DPP10: variants seen among roughly 807,000 people sequenced by gnomAD.
The protein encoded by DPP10 is inactive dipeptidyl peptidase 10.
In DPP10, 33 loss-of-function variants were observed where a neutral mutation model predicts 120.9. That is an observed-to-expected ratio of 0.27 (90% CI 0.21 to 0.37). The LOEUF is 0.37. Ranked by LOEUF, DPP10 falls within the 10% of genes least tolerant of loss-of-function variation. The pLI, the probability that DPP10 is intolerant of heterozygous loss-of-function variation, is 1.00. For synonymous variants in DPP10, 337 were observed against 326.1 expected (o/e 1.03, Z -0.36); for missense variants, 816 against 942.8 (o/e 0.87, Z 1.76).
At chr2:115,290,815 T>C (rs2060622063) in intron 1 of DPP10, among the ~76,000 whole-genome samples, 1 of 152,164 alleles carries the variant, frequency 6.6e-6, no homozygotes, top group Admixed American at 6.5e-5. Context: ...TAGCATTGCT[T>C]ATGAAGGACA....
chr2:115,084,052 T>C (rs1235692539), intron 1 of DPP10, among the ~76,000 whole-genome samples: 2 of 152,156 alleles, frequency 1.3e-5, no homozygotes, highest in Non-Finnish European at 2.9e-5. Context: ...GGCTATACCT[T>C]TGTGATCCTG....
At chr2:115,711,584 T>C (rs6721387) in intron 7 of DPP10, among the ~76,000 whole-genome samples, 145,412 of 152,144 alleles carry the variant, frequency 0.96, 69,836 homozygotes, top group East Asian at 1. Context: ...CCTATATAGG[T>C]GTGGGAATGA....
intron 1 of DPP10, among the ~76,000 whole-genome samples, chr2:115,118,991 A>G (rs1432264177): frequency 6.6e-6 from 1 of 152,164 alleles, no homozygotes. Context: ...CAAGTACACT[A>G]GGAAGAGGGT....
chr2:114,907,717 T>C (rs1001069169), intron 1 of DPP10, among the ~76,000 whole-genome samples: 3 of 152,146 alleles, frequency 2.0e-5, no homozygotes, highest in African/African-American at 4.8e-5. Context: ...GCACATATGT[T>C]CTATTCTGCA....
rs140444911 is a variant in DPP10, at chr2:114,994,810, A to G, written c.61-314429A>G. On this transcript the variant is annotated intron_variant, in intron 1 of 25. Coordinates refer to ENST00000410059, the MANE Select transcript of DPP10 (RefSeq NM_020868.6). ...TCTTCTGAGATTACCTGCTCCAGAAAGACTCTTCCAACTACACAGTGGTTA... is the reference window on the plus strand; with the variant it reads ...TCTTCTGAGATTACCTGCTCCAGAAGGACTCTTCCAACTACACAGTGGTTA... 3.9e-4 allele frequency among the ~76,000 whole-genome samples: 60 copies of G among 152,312 alleles called. 1 individual carries two copies. Among genetic ancestry groups the G allele is most frequent in the African/African-American group, 1.3e-3 (56 of 41,574 alleles).
intron 1 of DPP10, among the ~76,000 whole-genome samples, chr2:115,209,333 T>C (rs1433744789): frequency 6.6e-6 from 1 of 152,184 alleles, no homozygotes; most frequent in Non-Finnish European, 1.5e-5. Flanking sequence ...TTATTTTCTT[T>C]ACTCTTTCAT....
intron 1 of DPP10, among the ~76,000 whole-genome samples, chr2:114,822,795 A>C (rs1265843365): frequency 6.6e-6 from 1 of 152,142 alleles, no homozygotes; most frequent in Non-Finnish European, 1.5e-5. Context: ...TCTCTAGGAC[A>C]CGGGCAAAAT....
chr2:115,187,486 TTCACCAGC>T (rs2054548999), intron 1 of DPP10, among the ~76,000 whole-genome samples: 1 of 152,224 alleles, frequency 6.6e-6, no homozygotes, highest in African/African-American at 2.4e-5. Flanking sequence ...ACATTTGTGA[TTCACCAGC>T]ATATACATGG....
intron 1 of DPP10, among the ~76,000 whole-genome samples, chr2:115,048,294 A>G (rs537028961): frequency 6.6e-6 from 1 of 152,078 alleles, no homozygotes; most frequent in South Asian, 2.1e-4. Flanking sequence ...TCCCCAATCT[A>G]ATAAATCAGT....
intron 1 of DPP10, among the ~76,000 whole-genome samples, chr2:114,806,646 C>A (rs896483438): frequency 2.0e-5 from 3 of 152,126 alleles, no homozygotes; most frequent in African/African-American, 7.2e-5. Flanking sequence ...CAAGTTATCA[C>A]CAGACTTTTA....
intron 1 of DPP10, among the ~76,000 whole-genome samples, chr2:115,056,199 C>T (rs995225091): frequency 6.6e-6 from 1 of 152,064 alleles, no homozygotes; most frequent in Non-Finnish European, 1.5e-5. Flanking sequence ...GAGGGTGAGG[C>T]AGGGCATATA....
At chr2:115,369,766 CA>C (rs1347761462) in intron 3 of DPP10, among the ~76,000 whole-genome samples, 1 of 152,106 alleles carries the variant, frequency 6.6e-6, no homozygotes, top group Non-Finnish European at 1.5e-5. Flanking sequence ...ATAGTCTTCA[CA>C]GTACAGATGT....
At chr2:115,776,238 G>T (rs918054298) in intron 13 of DPP10, among the ~76,000 whole-genome samples, 13 of 152,076 alleles carry the variant, frequency 8.5e-5, no homozygotes, top group Non-Finnish European at 1.5e-4. Flanking sequence ...TGCCATGGTG[G>T]TTTGCTGCAC....
chr2:115,097,325 C>A (rs1377434683), intron 1 of DPP10, among the ~76,000 whole-genome samples: 1 of 152,134 alleles, frequency 6.6e-6, no homozygotes, highest in African/African-American at 2.4e-5. Flanking sequence ...TACAGAGACT[C>A]CAAATCTGAT....
At chr2:114,535,639 T>A (rs1364799186) in intron 1 of DPP10, among the ~76,000 whole-genome samples, 1 of 152,208 alleles carries the variant, frequency 6.6e-6, no homozygotes, top group Non-Finnish European at 1.5e-5. Flanking sequence ...ACCTCCTGAA[T>A]ATCTCCTGCA....
At chr2:115,707,511 T>C (rs1466532004) in intron 7 of DPP10, among the ~76,000 whole-genome samples, 1 of 151,428 alleles carries the variant, frequency 6.6e-6, no homozygotes, top group African/African-American at 2.4e-5. Flanking sequence ...ATAAGTAATA[T>C]AGTATTATAC....
chr2:114,536,690 C>T (rs1463467847), intron 1 of DPP10, among the ~76,000 whole-genome samples: 1 of 152,184 alleles, frequency 6.6e-6, no homozygotes, highest in Non-Finnish European at 1.5e-5. Flanking sequence ...CAGGTGTGAG[C>T]CACCATGCTT....
intron 5 of DPP10, among the ~76,000 whole-genome samples, chr2:115,632,395 T>G (rs919477116): frequency 1.3e-5 from 2 of 152,232 alleles, no homozygotes; most frequent in Non-Finnish European, 1.5e-5. Context: ...ATTTAGCATG[T>G]TTACATTTAA....
intron 1 of DPP10, among the ~76,000 whole-genome samples, chr2:114,963,236 C>T (rs978033482): frequency 6.6e-6 from 1 of 152,104 alleles, no homozygotes; most frequent in African/African-American, 2.4e-5. Context: ...TCACCAGAGC[C>T]ACAGGGACGT....
Sources: gnomAD v4.1 joint callset for allele counts (sites outside exome capture counted in the v4.1 genomes callset) on GRCh38, gnomAD v4.1.1 for gene constraint, MANE v1.5 for transcripts, NCBI Gene and HGNC (gene_info 2026-07-23, HGNC 2026-07-21) for gene names.